Variants in PAM observed in about 807,000 individuals in gnomAD.
The protein encoded by PAM is peptidylglycine alpha-amidating monooxygenase.
In PAM, 72 loss-of-function variants were observed where a neutral mutation model predicts 122.1. The observed-to-expected ratio is 0.59, with a 90% CI of 0.49 to 0.72. The LOEUF is 0.72. Ranked by LOEUF, PAM falls within the 30% of genes least tolerant of loss-of-function variation. The pLI, the probability that PAM is intolerant of heterozygous loss-of-function variation, is 0.00. For missense variants in PAM, 1,106 were observed against 1,183.7 expected (o/e 0.93, Z 0.96); for synonymous variants, 389 against 404.4 (o/e 0.96, Z 0.46).
chr5:102,849,365 T>G (rs543060279), intron 1 of PAM, among the ~76,000 whole-genome samples: 90 of 152,176 alleles, frequency 5.9e-4, no homozygotes, highest in African/African-American at 1.8e-3. Flanking sequence ...GAGACCATCC[T>G]GGCTAACACA....
intron 4 of PAM, among the ~76,000 whole-genome samples, chr5:102,901,872 G>A (rs1025451514): frequency 2.6e-5 from 4 of 151,486 alleles, no homozygotes; most frequent in African/African-American, 9.7e-5. Flanking sequence ...GGGATGAGAA[G>A]GGAAAGGAGA....
intron 1 of PAM, among the ~76,000 whole-genome samples, chr5:102,780,682 C>A (rs993391686): frequency 6.6e-6 from 1 of 152,168 alleles, no homozygotes; most frequent in African/African-American, 2.4e-5. Context: ...CACTAGGGGG[C>A]AGTACTGCAT....
chr5:102,906,473 A>G (rs1799587963), intron 4 of PAM, among the ~76,000 whole-genome samples: 1 of 151,686 alleles, frequency 6.6e-6, no homozygotes, highest in Non-Finnish European at 1.5e-5. Flanking sequence ...TATGAGCCCA[A>G]ACACACTGGG....
At chr5:102,868,324 C>T (rs534591917) in intron 3 of PAM, among the ~76,000 whole-genome samples, 81 of 152,252 alleles carry the variant, frequency 5.3e-4, no homozygotes, top group Non-Finnish European at 1.0e-3. Context: ...GCAGAATTCC[C>T]TTTGCAATTG....
chr5:102,909,658 G>A (rs1329355815), intron 4 of PAM, among the ~76,000 whole-genome samples: 1 of 151,812 alleles, frequency 6.6e-6, no homozygotes, highest in East Asian at 1.9e-4. Context: ...ATTGACTCTA[G>A]GCACTTGTAT....
rs148667373 is a variant in PAM, at chr5:102,978,808, G to T, written c.1483+4372G>T. Among the ~76,000 whole-genome samples the T allele has an allele frequency of 1.8e-4, 27 of 150,956 alleles. No individual in the cohort carries two copies. The East Asian group carries it at 2.5e-3, about 14-fold the overall frequency. On this transcript the variant is annotated intron_variant, in intron 15 of 25. Coordinates refer to ENST00000438793, the MANE Select transcript of PAM (RefSeq NM_001177306.2). ...TAAACCATTCAGTTGGCTGAATTTTGATCTCTGAGGGGAGGAGAATGGTTA... is the reference window on the plus strand; with the variant it reads ...TAAACCATTCAGTTGGCTGAATTTTTATCTCTGAGGGGAGGAGAATGGTTA...
rs959549316 is a variant in PAM at position 102,997,514 on chromosome 5, C to CA, written c.1614-5508dup. ...AACCTGAGCAACAGAGACCCTGTCT[C>CA]AAAAAAAAAAATTACTCTGATTTAC... On this transcript the variant is annotated intron_variant, in intron 16 of 25. Coordinates refer to ENST00000438793, the MANE Select transcript of PAM (RefSeq NM_001177306.2). Among the ~76,000 whole-genome samples, 74 of 146,240 alleles carry CA rather than the reference C, an allele frequency of 5.1e-4. 1 individual carries two copies. The highest frequency in any genetic ancestry group is 2.6e-3 in the East Asian group (13 of 5,052).
At chr5:102,899,289 A>C (rs1472297228) in intron 3 of PAM, among the ~76,000 whole-genome samples, 3 of 151,668 alleles carry the variant, frequency 2.0e-5, no homozygotes. Flanking sequence ...ATGAATTATA[A>C]GTATAAATAG....
At chr5:102,809,282 CGGA>C (rs996437893) in intron 1 of PAM, among the ~76,000 whole-genome samples, 1 of 146,790 alleles carries the variant, frequency 6.8e-6, no homozygotes, top group African/African-American at 2.5e-5. Context: ...CTTCAAGAGG[CGGA>C]GGTGAGAGGA....
At chr5:103,014,429 A>T (rs968785088) in intron 21 of PAM, among the ~76,000 whole-genome samples, 1 of 152,236 alleles carries the variant, frequency 6.6e-6, no homozygotes, top group South Asian at 2.1e-4. Flanking sequence ...ACAAGACTTG[A>T]TATTACACCA....
chr5:102,778,085 A>G (rs1757670121), intron 1 of PAM, among the ~76,000 whole-genome samples: 1 of 152,120 alleles, frequency 6.6e-6, no homozygotes, highest in Admixed American at 6.5e-5. Flanking sequence ...GACCCCTGTT[A>G]GACAGAAAAA....
intron 1 of PAM, among the ~76,000 whole-genome samples, chr5:102,802,003 CTG>C (rs1412038374): frequency 2.1e-5 from 3 of 143,764 alleles, no homozygotes; most frequent in African/African-American, 7.9e-5. Flanking sequence ...TGGTCTCGAT[CTG>C]ATCTCCTGAC....
intron 19 of PAM, among the ~76,000 whole-genome samples, 173 bp downstream of exon 19, chr5:103,007,184 CAT>C (rs1371394204): frequency 7.9e-6 from 1 of 125,878 alleles, no homozygotes; most frequent in Non-Finnish European, 1.7e-5. Context: ...CACACACACA[CAT>C]ATACATACAC....
At chr5:102,974,090 C>T in intron 14 of PAM, 26 bp from the exon 15 acceptor site, 1 of 1,566,402 alleles carries the variant, frequency 6.4e-7, no homozygotes, top group Non-Finnish European at 8.8e-7. Context: ...CCCTCCACGC[C>T]CTTATCTCTT....
chr5:102,974,545 G>T, intron 15 of PAM, 109 bp downstream of exon 15: 1 of 682,884 alleles, frequency 1.5e-6, no homozygotes, highest in South Asian at 2.1e-5. Context: ...TCAATGAAAA[G>T]GACTTATCAT....
chr5:102,994,751 C>CT lies in PAM; in HGVS notation c.1613+4353dup, dbSNP rs1353148669. Among the ~76,000 whole-genome samples, 3 of 152,180 alleles carry CT rather than the reference C, an allele frequency of 2.0e-5. No homozygotes were observed. In the East Asian group the frequency reaches 5.8e-4, roughly 29 times the overall value. The stretch of plus-strand genomic sequence containing the variant: ...AGGGCTTTATTCCAATTATGTTCCA[C>CT]TTTATTACATTTAGCATTGTTTCAA... On this transcript the variant is annotated intron_variant, in intron 16 of 25. Transcript: ENST00000438793.
In PAM at chr5:102,901,478, A is replaced by G. The variant is rs996988817; in HGVS notation, c.268+65A>G. 5.6e-6 allele frequency: 5 copies of G among 899,836 alleles called. No individual in the cohort carries two copies. The African/African-American group carries it at 8.2e-5, about 15-fold the overall frequency. 55.7% of individuals were successfully genotyped at this position (899,836 alleles called of 1,614,324 possible). ...AGGGCAGTGATTTGAAATCAGTGAA[A>G]GGTTCTCTTTGAGGGTTATGAGCAT... On this transcript the variant is annotated intron_variant, in intron 4 of 25. Coordinates refer to ENST00000438793, the MANE Select transcript of PAM (RefSeq NM_001177306.2).
chr5:102,915,892 C>T lies in PAM; in HGVS notation c.356+1871C>T, dbSNP rs149981279. Among the ~76,000 whole-genome samples, 945 of 152,122 alleles carry T rather than the reference C, an allele frequency of 6.2e-3. 8 individuals carry two copies. The highest frequency in any genetic ancestry group is 0.022 in the African/African-American group (902 of 41,512). ...CCCCTTTAAAATATTTATTAGTATTCTTAAATAAACTATTCTGAAATTAAA... is the reference window on the plus strand; with the variant it reads ...CCCCTTTAAAATATTTATTAGTATTTTTAAATAAACTATTCTGAAATTAAA... On this transcript the variant is annotated intron_variant, in intron 5 of 25. Coordinates refer to ENST00000438793, the MANE Select transcript of PAM (RefSeq NM_001177306.2).
chr5:103,008,635 A>C (rs988842387), intron 20 of PAM, among the ~76,000 whole-genome samples: 3 of 152,142 alleles, frequency 2.0e-5, no homozygotes, highest in Non-Finnish European at 4.4e-5. Context: ...TGGACCAAGC[A>C]GCCCCCCAAA....
Sources: allele counts gnomAD v4.1 joint callset (sites outside exome capture counted in the v4.1 genomes callset), GRCh38; gene constraint gnomAD v4.1.1; transcripts MANE v1.5; gene names NCBI Gene and HGNC (gene_info 2026-07-23, HGNC 2026-07-21).